The following RGS3 variants were observed in gnomAD, a reference collection of about 807,000 sequenced individuals.
The protein encoded by RGS3 is regulator of G protein signaling 3.
A neutral mutation model predicts 132.6 loss-of-function variants in RGS3; 80 were observed. The observed-to-expected ratio is 0.60, with a 90% confidence interval of 0.50 to 0.73. The LOEUF (loss-of-function observed/expected upper bound fraction) is 0.73, where lower values mean the gene tolerates loss of function less well. RGS3 is among the 30% of genes least tolerant of loss of function. RGS3 has a pLI of 0.00. For missense variants in RGS3, 1,382 were observed against 1,530.8 expected, an observed-to-expected ratio of 0.90 and a Z score of 1.62; for synonymous variants, 598 against 620.6, an observed-to-expected ratio of 0.96 and a Z score of 0.54.
At position 113,463,919 on chromosome 9, in the gene RGS3, A is replaced by C; in HGVS notation, c.415+1718A>C. ...TGGGGCTGGCGGCAGGGGCTGCTTC[A>C]CCCTGCTCCCAGCGCCCAGAAACGC... On this transcript the variant is annotated intron_variant, in intron 3 of 24. Coordinates refer to ENST00000350696, the Ensembl canonical transcript of RGS3. The surrounding 1 kb of genome is among the most constrained non-coding windows in gnomAD (Gnocchi z 4.6). 1 of 1,604,752 alleles carries C rather than the reference A, an allele frequency of 6.2e-7. No homozygotes were observed. The highest frequency in any genetic ancestry group is 1.7e-5 in the Admixed American group (1 of 59,190).
intron 19 of RGS3, among the ~76,000 whole-genome samples, chr9:113,555,523 A>G (rs1833532466): frequency 6.6e-6 from 1 of 151,150 alleles, no homozygotes. Context: ...GCTGGAGTGT[A>G]GTGGTGCAAT....
intron 19 of RGS3, among the ~76,000 whole-genome samples, chr9:113,547,095 G>A (rs551511792): frequency 6.6e-6 from 1 of 152,154 alleles, no homozygotes; most frequent in South Asian, 2.1e-4. Flanking sequence ...GGGAGAATTG[G>A]CTAGGTTCTT....
At chr9:113,555,345 A>G (rs1202501586) in intron 19 of RGS3, among the ~76,000 whole-genome samples, 1 of 152,208 alleles carries the variant, frequency 6.6e-6, no homozygotes, top group South Asian at 2.1e-4. Flanking sequence ...CACCAGATCC[A>G]TAGTAGCCTG....
At chr9:113,595,796 C>G (rs1190425968) in intron 24 of RGS3, 31 bp downstream of exon 22, 40 of 1,605,260 alleles carry the variant, frequency 2.5e-5, no homozygotes, top group Non-Finnish European at 3.4e-5. Flanking sequence ...CTCCGCTCCT[C>G]CAATCCCCAG....
chr9:113,559,030 G>A (rs1397748204), intron 19 of RGS3, among the ~76,000 whole-genome samples: 1 of 152,240 alleles, frequency 6.6e-6, no homozygotes, highest in Non-Finnish European at 1.5e-5. Flanking sequence ...GAAGGCAGCA[G>A]CAAAGTTAGC....
intron 19 of RGS3, among the ~76,000 whole-genome samples, chr9:113,577,222 G>C (rs1048620164): frequency 4.6e-5 from 7 of 152,264 alleles, no homozygotes; most frequent in African/African-American, 1.7e-4. Context: ...GACCTGAGGT[G>C]ATCCACCCGT....
rs1588301246 is a variant in RGS3, at chr9:113,591,134, G to C, written c.3016-199G>C. Among the ~76,000 whole-genome samples, 1 of 152,296 alleles carries C rather than the reference G, an allele frequency of 6.6e-6. No homozygotes were observed. The highest frequency in any genetic ancestry group is 2.4e-5 in the African/African-American group (1 of 41,570). On this transcript the variant is annotated intron_variant, in intron 20 of 24. Coordinates refer to ENST00000350696, the Ensembl canonical transcript of RGS3. The surrounding 1 kb of genome is among the most constrained non-coding windows in gnomAD (Gnocchi z 4.4). ...CCAGGAGGAGATCCCTGTGGCCGGA[G>C]AGTCTGCCAGGCCGATTCCACTTCA...
intron 20 of RGS3, among the ~76,000 whole-genome samples, chr9:113,587,577 T>C (rs1835183618): frequency 6.6e-6 from 1 of 152,192 alleles, no homozygotes; most frequent in Admixed American, 6.5e-5. Context: ...GGGCTGGTCA[T>C]TTGTGCTGCT....
chr9:113,506,488 G>C lies in RGS3; in HGVS notation c.1080G>C (p.Glu360Asp). The change falls in exon 12 of 25, where the codon GAG (glutamate) becomes GAC (aspartate). Residue 360 changes from glutamate (E) to aspartate (D), a missense_variant. Transcript: ENST00000350696. The surrounding 1 kb of genome is among the most constrained non-coding windows in gnomAD (Gnocchi z 4.7). ...GGAAATGTGTGGAGCTGGCCCACGA[G>C]ATCCGGTGACAGGGGACAGCGGGTG... 1 of 1,586,582 alleles carries C rather than the reference G, an allele frequency of 6.3e-7. No homozygotes were observed. Among genetic ancestry groups the C allele is most frequent in the Non-Finnish European group, 8.6e-7 (1 of 1,166,950 alleles).
In RGS3 at chr9:113,507,991, A is replaced by G. The variant is rs1002609047; in HGVS notation, c.1437+353A>G. ...GAGGTATGAAAGCAGACACTGCATG[A>G]TTGCATGGTGGGATGATGGAGTGCG... On this transcript the variant is annotated intron_variant, in intron 13 of 24. Transcript: ENST00000350696. The surrounding 1 kb of genome is among the most constrained non-coding windows in gnomAD (Gnocchi z 5.0). Among the ~76,000 whole-genome samples the G allele has an allele frequency of 2.0e-5, 3 of 152,168 alleles. No homozygotes were observed. The highest frequency in any genetic ancestry group is 1.9e-4 in the East Asian group (1 of 5,190).
At chr9:113,512,041 T>G (rs1831427601) in intron 14 of RGS3, among the ~76,000 whole-genome samples, 1 of 152,028 alleles carries the variant, frequency 6.6e-6, no homozygotes, top group African/African-American at 2.4e-5. Flanking sequence ...TTCCATCAGG[T>G]CTCTTGTGTG....
chr9:113,498,057 ACT>A lies in RGS3; in HGVS notation c.875_876del (p.Thr292ArgfsTer54), dbSNP rs756802651. On this transcript the variant is annotated frameshift_variant, in exon 10 of 25. Transcript: ENST00000350696. LOFTEE classifies it high-confidence loss of function. ...GCTGAGAATGCCAGGAGGTGGGGAC[ACT>A]GAGAATGGGAAGAAACTAAAGGTAG... 10 of 1,614,070 alleles carry A rather than the reference ACT, an allele frequency of 6.2e-6. No homozygotes were observed. In the East Asian group the frequency reaches 2.2e-4, roughly 36 times the overall value.
chr9:113,538,486 C>T lies in RGS3; in HGVS notation c.2037+1568C>T, dbSNP rs757276056. ...CTGGGGGAAAGAGCTCTTTGTGCCT[C>T]GCTCTCAGAGTTTGCTGACTCTGGA... On this transcript the variant is annotated intron_variant, in intron 19 of 24. Coordinates refer to ENST00000350696, the Ensembl canonical transcript of RGS3. Among the ~76,000 whole-genome samples, 7 of 152,132 alleles carry T rather than the reference C, an allele frequency of 4.6e-5. No homozygotes were observed. In the East Asian group the frequency reaches 5.8e-4, roughly 13 times the overall value.
upstream of RGS3, among the ~76,000 whole-genome samples, chr9:113,458,763 T>G (rs888603159): frequency 1.3e-5 from 2 of 152,182 alleles, no homozygotes; most frequent in Non-Finnish European, 2.9e-5. Flanking sequence ...TTCTTTTTTC[T>G]TTTTTTGAGA....
intron 3 of RGS3, among the ~76,000 whole-genome samples, chr9:113,474,381 T>C (rs1269334456): frequency 1.3e-5 from 2 of 152,198 alleles, no homozygotes; most frequent in Admixed American, 6.5e-5. Flanking sequence ...GTTATGTCCA[T>C]AGAGCTGTGT....
chr9:113,510,235 A>G (rs547059514), intron 14 of RGS3, among the ~76,000 whole-genome samples: 11 of 152,314 alleles, frequency 7.2e-5, no homozygotes, highest in East Asian at 5.8e-4. Context: ...ATAGTCTCCA[A>G]TCTCATCCAG....
At chr9:113,515,029 G>T (rs1046793355) in intron 15 of RGS3, among the ~76,000 whole-genome samples, 2 of 152,144 alleles carry the variant, frequency 1.3e-5, no homozygotes, top group Non-Finnish European at 2.9e-5. Context: ...AATAACTGAG[G>T]GAGACCCTTG....
intron 4 of RGS3, among the ~76,000 whole-genome samples, chr9:113,480,716 T>A (rs1220093999): frequency 6.6e-6 from 1 of 152,146 alleles, no homozygotes. Context: ...TGCAAAGGCC[T>A]GGGGGTCAGA....
chr9:113,564,980 C>T (rs554098198), intron 19 of RGS3: 244 of 1,018,234 alleles, frequency 2.4e-4, no homozygotes, highest in Non-Finnish European at 2.7e-4. Context: ...GCCAGCAGGC[C>T]GGCTGGAGGC....
Sources: gnomAD v4.1 joint callset for allele counts (sites outside exome capture counted in the v4.1 genomes callset) on GRCh38, gnomAD v4.1.1 for gene constraint, Gnocchi (gnomAD v3.1) non-coding constraint, MANE v1.5 for transcripts, NCBI Gene and HGNC (gene_info 2026-07-23, HGNC 2026-07-21) for gene names.